AMN1: variants seen among roughly 807,000 people sequenced by gnomAD.
AMN1 encodes protein AMN1 homolog.
A neutral mutation model predicts 33.0 loss-of-function variants in AMN1; 20 were observed. That is an observed-to-expected ratio of 0.61 (90% CI 0.43 to 0.88). The LOEUF is 0.88. Among genes scored for constraint, AMN1 ranks in the 40% least tolerant of loss-of-function variants. AMN1 has a pLI of 0.00. For synonymous variants in AMN1, 114 were observed against 111.9 expected, an observed-to-expected ratio of 1.02 and a Z score of -0.12; for missense variants, 246 against 307.4, an observed-to-expected ratio of 0.80 and a Z score of 1.49.
At chr12:31,698,390 G>T (rs138886758) in intron 3 of AMN1, among the ~76,000 whole-genome samples, 155 of 152,264 alleles carry the variant, frequency 1.0e-3, no homozygotes, top group African/African-American at 3.6e-3. Flanking sequence ...TCATGCTTGC[G>T]GTTAGAAATT....
At chr12:31,691,333 A>G (rs1444031437) in intron 5 of AMN1, among the ~76,000 whole-genome samples, 1 of 152,092 alleles carries the variant, frequency 6.6e-6, no homozygotes, top group Non-Finnish European at 1.5e-5. Flanking sequence ...AGCCAAAACA[A>G]TGACAAAGTA....
chr12:31,694,170 G>A (rs774603089), intron 5 of AMN1, among the ~76,000 whole-genome samples: 160 of 151,352 alleles, frequency 1.1e-3, no homozygotes, highest in Non-Finnish European at 1.6e-3. Context: ...GGCTGGGTGC[G>A]GTGGCTCACA....
Position 31,697,394 on chromosome 12 carries a change from T to A in AMN1, c.558A>T (p.Ala186=). ...TCTTCGCACAAGGTCCACTAACAAG[T>A]GCAATCACACCACTGTCAGATACCT... The part of the protein sequence containing the change: ...ATQVSDSGVI[A]LVSGPCAKKL... The change falls in exon 5 of 7, where the codon GCA becomes GCT. Residue 186 remains alanine, a synonymous_variant. Transcript: ENST00000281471. 6.2e-7 allele frequency: 1 copy of A among 1,613,130 alleles called. No homozygotes were observed. Among genetic ancestry groups the A allele is most frequent in the Non-Finnish European group, 8.5e-7 (1 of 1,179,416 alleles).
chr12:31,701,156 C>T (rs140377575), intron 3 of AMN1, among the ~76,000 whole-genome samples: 20,825 of 151,738 alleles, frequency 0.14, 1,835 homozygotes, highest in Admixed American at 0.22. Context: ...TGCACCACCA[C>T]GCCTGGCTAA....
chr12:31,722,218 C>A (rs1231640411), intron 1 of AMN1, among the ~76,000 whole-genome samples: 2 of 151,430 alleles, frequency 1.3e-5, no homozygotes, highest in African/African-American at 2.4e-5. Flanking sequence ...GACATTTTTT[C>A]GGGTTATGGT....
In AMN1 at chr12:31,688,989, G is replaced by C. The variant is rs778804462; in HGVS notation, c.703+18C>G. The C allele has an allele frequency of 6.5e-7, 1 of 1,539,416 alleles. No homozygotes were observed. Among genetic ancestry groups the C allele is most frequent in the Non-Finnish European group, 9.0e-7 (1 of 1,116,552 alleles). Reference sequence around the variant, plus strand: ...AGATGAAGCCAGAATTTGAACCCAAGCAATCTATTGCACTAACCTGTTATC... The same window carrying C: ...AGATGAAGCCAGAATTTGAACCCAACCAATCTATTGCACTAACCTGTTATC... On this transcript the variant is annotated intron_variant, in intron 6 of 6. Coordinates refer to ENST00000281471, the MANE Select transcript of AMN1 (RefSeq NM_001113402.2).
intron 1 of AMN1, among the ~76,000 whole-genome samples, chr12:31,711,152 G>A (rs1277101251): frequency 1.3e-5 from 2 of 151,906 alleles, no homozygotes; most frequent in Non-Finnish European, 1.5e-5. Context: ...GGGATTACAG[G>A]CATGAGCCAC....
intron 2 of AMN1, among the ~76,000 whole-genome samples, chr12:31,705,881 T>G (rs1020365612): frequency 3.3e-5 from 5 of 152,170 alleles, no homozygotes; most frequent in Non-Finnish European, 5.9e-5. Flanking sequence ...AGTTCCCTCC[T>G]ACCTTGGTGC....
chr12:31,728,297 A>G (rs1940164129), intron 1 of AMN1, among the ~76,000 whole-genome samples: 2 of 152,220 alleles, frequency 1.3e-5, no homozygotes, highest in Admixed American at 1.3e-4. Context: ...TTCTGGTAGG[A>G]AATAATAATA....
intron 1 of AMN1, among the ~76,000 whole-genome samples, chr12:31,724,993 G>A (rs1428886219): frequency 1.3e-5 from 2 of 152,158 alleles, no homozygotes; most frequent in Non-Finnish European, 2.9e-5. Context: ...CATCTTGACA[G>A]GGTTTTGGTA....
At chr12:31,688,975 G>T in intron 6 of AMN1, 32 bp downstream of exon 6, 1 of 1,463,442 alleles carries the variant, frequency 6.8e-7, no homozygotes, top group Non-Finnish European at 9.5e-7. Context: ...GATGAAGCCA[G>T]AATTTGAACC....
intron 3 of AMN1, among the ~76,000 whole-genome samples, chr12:31,701,330 C>G (rs4931547): frequency 0.1 from 15,250 of 151,708 alleles, 1,095 homozygotes; most frequent in East Asian, 0.27. Context: ...TAGAGTCTCC[C>G]TATGTCACCC....
intron 5 of AMN1, among the ~76,000 whole-genome samples, chr12:31,693,026 G>A (rs79441756): frequency 0.033 from 5,077 of 152,220 alleles, 249 homozygotes; most frequent in East Asian, 0.21. Flanking sequence ...GCTAAATGCT[G>A]TAACATAAGT....
Position 31,697,425 on chromosome 12 carries a change from A to C in AMN1, c.535-8T>G. 6.2e-7 allele frequency: 1 copy of C among 1,612,120 alleles called. No homozygotes were observed. Among genetic ancestry groups the C allele is most frequent in the Non-Finnish European group, 8.5e-7 (1 of 1,179,138 alleles). On this transcript the variant is annotated splice_region_variant and splice_polypyrimidine_tract_variant and intron_variant, in intron 4 of 6. Transcript: ENST00000281471. ...CACACCACTGTCAGATACCTAAGCA[A>C]AGGGAAAAAGAAACACAGTCCATGA... is the stretch of plus-strand genomic sequence containing the variant.
At chr12:31,727,241 A>C (rs1940111469) in intron 1 of AMN1, among the ~76,000 whole-genome samples, 1 of 152,202 alleles carries the variant, frequency 6.6e-6, no homozygotes, top group African/African-American at 2.4e-5. Context: ...TTCTGCAAAG[A>C]ACATCTTCAT....
chr12:31,701,860 T>C lies in AMN1; in HGVS notation c.316+3A>G, dbSNP rs1939018012. Reference sequence around the variant, plus strand: ...CCAATGTACTCAGTGTTAATAAACATACCTTCTGAAGTTACAGAAACTCGG... The same window carrying C: ...CCAATGTACTCAGTGTTAATAAACACACCTTCTGAAGTTACAGAAACTCGG... On this transcript the variant is annotated splice_donor_region_variant and intron_variant, in intron 3 of 6. Coordinates refer to ENST00000281471, the MANE Select transcript of AMN1 (RefSeq NM_001113402.2). The C allele has an allele frequency of 1.3e-6, 2 of 1,594,428 alleles. No individual in the cohort carries two copies. The highest frequency in any genetic ancestry group is 8.5e-7 in the Non-Finnish European group (1 of 1,175,048).
At chr12:31,727,065 G>T (rs1200853351) in intron 1 of AMN1, among the ~76,000 whole-genome samples, 1 of 152,054 alleles carries the variant, frequency 6.6e-6, no homozygotes, top group Non-Finnish European at 1.5e-5. Context: ...ATGTTGCCTA[G>T]ACTGGTCTCC....
Position 31,728,479 on chromosome 12 carries a change from T to C in AMN1, c.38+492A>G, listed in dbSNP as rs1253862431. On this transcript the variant is annotated intron_variant, in intron 1 of 6. Coordinates refer to ENST00000281471, the MANE Select transcript of AMN1 (RefSeq NM_001113402.2). Reference sequence around the variant, plus strand: ...GTTACGTTACCGGTCCATGGTCACGTGGCTGGTGAATGGCAGAGCCGGGGG... The same window carrying C: ...GTTACGTTACCGGTCCATGGTCACGCGGCTGGTGAATGGCAGAGCCGGGGG... 4.9e-4 allele frequency among the ~76,000 whole-genome samples: 75 copies of C among 152,314 alleles called. 1 individual carries two copies.
At chr12:31,725,951 G>A (rs1490993036) in intron 1 of AMN1, among the ~76,000 whole-genome samples, 2 of 151,726 alleles carry the variant, frequency 1.3e-5, no homozygotes, top group African/African-American at 2.4e-5. Context: ...CACCTGCCTC[G>A]GCCTCCCAAA....
Sources: gnomAD v4.1 joint callset for allele counts (sites outside exome capture counted in the v4.1 genomes callset) on GRCh38, gnomAD v4.1.1 for gene constraint, MANE v1.5 for transcripts, NCBI Gene and HGNC (gene_info 2026-07-23, HGNC 2026-07-21) for gene names.